HIVEP3: variants seen among roughly 807,000 people sequenced by gnomAD.
HIVEP3 encodes transcription factor HIVEP3.
In HIVEP3, 49 loss-of-function variants were observed where a neutral mutation model predicts 152.8. The observed-to-expected ratio is 0.32, with a 90% confidence interval of 0.26 to 0.41. The LOEUF (loss-of-function observed/expected upper bound fraction) is 0.41, where lower values mean the gene tolerates loss of function less well. Ranked by LOEUF, HIVEP3 falls within the 10% of genes least tolerant of loss-of-function variation. The pLI is 1.00. For missense variants in HIVEP3, 2,790 were observed against 3,103.3 expected, an observed-to-expected ratio of 0.90 and a Z score of 2.40; for synonymous variants, 1,269 against 1,289.0, an observed-to-expected ratio of 0.98 and a Z score of 0.33.
At chr1:41,688,031 G>A (rs1183272709) in intron 2 of HIVEP3, among the ~76,000 whole-genome samples, 8 of 152,242 alleles carry the variant, frequency 5.3e-5, no homozygotes, top group African/African-American at 1.9e-4. Context: ...ATGGAGGAAC[G>A]ATGGGGGATG....
rs531021014 is a variant in HIVEP3 at position 41,515,237 on chromosome 1, C to T, written c.5471-1487G>A. Among the ~76,000 whole-genome samples, 17 of 152,358 alleles carry T rather than the reference C, an allele frequency of 1.1e-4. No homozygotes were observed. The South Asian group carries it at 2.7e-3, about 24-fold the overall frequency. On this transcript the variant is annotated intron_variant, in intron 7 of 8. Transcript: ENST00000372583. ...GGCTCTCAACCATGCCCAGCTGCCC[C>T]GGGGCCAGAAAGCCCGGAACTAGCA...
rs74953410 is a variant in HIVEP3, at chr1:41,935,389, T to C, written n.120-16865A>G. On this transcript the variant is annotated intron_variant and non_coding_transcript_variant, in intron 1 of 3. Transcript: ENST00000489103. Reference sequence around the variant, plus strand: ...TTATTTCCTGTGGCCCATTGAGTATTTCCTGCTGTCATTTACAATGCTGGA... The same window carrying C: ...TTATTTCCTGTGGCCCATTGAGTATCTCCTGCTGTCATTTACAATGCTGGA... 4.4e-4 allele frequency among the ~76,000 whole-genome samples: 67 copies of C among 152,280 alleles called. 1 individual carries two copies. In the East Asian group the frequency reaches 0.011, roughly 26 times the overall value.
chr1:41,733,046 C>T (rs562840922), intron 1 of HIVEP3, among the ~76,000 whole-genome samples: 1 of 152,310 alleles, frequency 6.6e-6, no homozygotes, highest in South Asian at 2.1e-4. Context: ...CCTGCAAACA[C>T]AAAGCAGTTC....
chr1:41,935,183 T>C (rs1645013821), intron 1 of HIVEP3, among the ~76,000 whole-genome samples: 1 of 152,158 alleles, frequency 6.6e-6, no homozygotes, highest in African/African-American at 2.4e-5. Context: ...GCTTAGCTAA[T>C]AGCAAACATG....
intron 2 of HIVEP3, among the ~76,000 whole-genome samples, chr1:41,652,251 C>A (rs1645562305): frequency 6.6e-6 from 1 of 152,168 alleles, no homozygotes; most frequent in East Asian, 1.9e-4. Context: ...CCCTTGCCAT[C>A]TAATCCACAG....
intron 1 of HIVEP3, among the ~76,000 whole-genome samples, chr1:41,714,964 C>T (rs995703921): frequency 1.5e-4 from 23 of 152,112 alleles, no homozygotes; most frequent in African/African-American, 2.9e-4. Flanking sequence ...TCTGCCCCAG[C>T]GACATGTCCA....
intron 1 of HIVEP3, among the ~76,000 whole-genome samples, chr1:41,990,782 A>G (rs1383942676): frequency 2.6e-4 from 36 of 140,338 alleles, no homozygotes; most frequent in African/African-American, 9.3e-4. Context: ...GTAAAAGAAC[A>G]GAAATTATAA....
At chr1:41,577,556 G>C (rs1198299285) in intron 4 of HIVEP3, among the ~76,000 whole-genome samples, 2 of 152,152 alleles carry the variant, frequency 1.3e-5, no homozygotes, top group South Asian at 2.1e-4. Flanking sequence ...ACAAGCTGGG[G>C]TTTCTCCAGG....
Position 41,648,697 on chromosome 1 carries a change from G to A in HIVEP3, c.-720-19750C>T, listed in dbSNP as rs372223254. ...GGGGGTTACATGAATTTAAAAGTTCGGAGGACATGGACTGTAGGCCAACCC... is the reference window on the plus strand; with the variant it reads ...GGGGGTTACATGAATTTAAAAGTTCAGAGGACATGGACTGTAGGCCAACCC... On this transcript the variant is annotated intron_variant, in intron 2 of 8. Transcript: ENST00000372583. 1.0e-3 allele frequency among the ~76,000 whole-genome samples: 159 copies of A among 152,302 alleles called. 5 individuals carry two copies. The South Asian group carries it at 0.031, about 29-fold the overall frequency.
At chr1:41,912,009 G>A (rs554840956) in intron 1 of HIVEP3, among the ~76,000 whole-genome samples, 75 of 152,284 alleles carry the variant, frequency 4.9e-4, no homozygotes, top group African/African-American at 1.7e-3. Flanking sequence ...TGGACTAAAC[G>A]TGAGCATTAA....
intron 2 of HIVEP3, among the ~76,000 whole-genome samples, chr1:41,671,593 T>C (rs2124071271): frequency 6.6e-6 from 1 of 152,222 alleles, no homozygotes. Context: ...CATCTTGGAG[T>C]CCCACTCTGC....
At position 41,668,353 on chromosome 1, in the gene HIVEP3, C is replaced by T. The variant is rs148421024; in HGVS notation, c.-721+32563G>A. Among the ~76,000 whole-genome samples, 500 of 152,340 alleles carry T rather than the reference C, an allele frequency of 3.3e-3. 4 individuals are homozygous for T. The highest frequency in any genetic ancestry group is 0.011 in the African/African-American group (476 of 41,568). Reference sequence around the variant, plus strand: ...AATACGGGAGGGGTGAGGCCTGGTGCAAAGGCTACTTTCAAAAGCCTGCAT... The same window carrying T: ...AATACGGGAGGGGTGAGGCCTGGTGTAAAGGCTACTTTCAAAAGCCTGCAT... On this transcript the variant is annotated intron_variant, in intron 2 of 8. Coordinates refer to ENST00000372583, the MANE Select transcript of HIVEP3 (RefSeq NM_024503.5).
At position 41,974,297 on chromosome 1, in the gene HIVEP3, C is replaced by A. The variant is rs145146535; in HGVS notation, n.120-55773G>T. Among the ~76,000 whole-genome samples the A allele has an allele frequency of 8.7e-3, 1,327 of 152,236 alleles. 20 individuals carry two copies. The highest frequency in any genetic ancestry group is 0.064 in the South Asian group (309 of 4,818). On this transcript the variant is annotated intron_variant and non_coding_transcript_variant, in intron 1 of 3. Coordinates refer to the HIVEP3 transcript ENST00000489103. ...TCCTCTTCCGACTCCTCAGTTACTGCTACCAGCTCTACTCTGTGCCCATCC... is the reference window on the plus strand; with the variant it reads ...TCCTCTTCCGACTCCTCAGTTACTGATACCAGCTCTACTCTGTGCCCATCC...
chr1:41,606,684 A>G (rs898503618), intron 3 of HIVEP3, among the ~76,000 whole-genome samples: 5 of 151,946 alleles, frequency 3.3e-5, no homozygotes, highest in African/African-American at 1.2e-4. Context: ...TCCAGAAAAT[A>G]TAGGTGACTG....
At chr1:41,608,948 G>A (rs1357602794) in intron 3 of HIVEP3, among the ~76,000 whole-genome samples, 8 of 151,456 alleles carry the variant, frequency 5.3e-5, no homozygotes, top group Non-Finnish European at 8.8e-5. Flanking sequence ...GCCAGGTGTG[G>A]TGGTGCATGC....
chr1:41,954,639 G>A (rs771916608), intron 1 of HIVEP3, among the ~76,000 whole-genome samples: 1 of 152,210 alleles, frequency 6.6e-6, no homozygotes, highest in South Asian at 2.1e-4. Flanking sequence ...GAGAACACTG[G>A]CCTTTCTGAT....
intron 1 of HIVEP3, among the ~76,000 whole-genome samples, chr1:41,704,882 A>C (rs1049007702): frequency 6.6e-6 from 1 of 152,226 alleles, no homozygotes; most frequent in Non-Finnish European, 1.5e-5. Flanking sequence ...CCATGCATTC[A>C]TTCATCCATC....
At chr1:41,954,328 C>A (rs553232290) in intron 1 of HIVEP3, among the ~76,000 whole-genome samples, 1 of 152,236 alleles carries the variant, frequency 6.6e-6, no homozygotes, top group Non-Finnish European at 1.5e-5. Context: ...TACTTTCTAG[C>A]ATGCATAAAA....
chr1:41,831,127 T>TG (rs1319922096), intron 1 of HIVEP3, among the ~76,000 whole-genome samples: 2 of 152,214 alleles, frequency 1.3e-5, no homozygotes, highest in African/African-American at 4.8e-5. Flanking sequence ...CTTGCTATAC[T>TG]GCTCACTACT....
Sources: allele counts gnomAD v4.1 joint callset (sites outside exome capture counted in the v4.1 genomes callset), GRCh38; gene constraint gnomAD v4.1.1; transcripts MANE v1.5; gene names NCBI Gene and HGNC (gene_info 2026-07-23, HGNC 2026-07-21).